The following G3BP2 variants were observed in gnomAD, a reference collection of about 807,000 sequenced individuals.
The protein encoded by G3BP2 is ras GTPase-activating protein-binding protein 2.
In G3BP2, 11 loss-of-function variants were observed where a neutral mutation model predicts 56.7. That is an observed-to-expected ratio of 0.19 (90% CI 0.12 to 0.32). G3BP2 has a LOEUF of 0.32. Ranked by LOEUF, G3BP2 falls within the 10% of genes least tolerant of loss-of-function variation. The pLI is 1.00. For missense variants in G3BP2, 340 were observed against 610.9 expected, an observed-to-expected ratio of 0.56 and a Z score of 4.67; for synonymous variants, 165 against 191.6, an observed-to-expected ratio of 0.86 and a Z score of 1.15.
intron 2 of G3BP2, among the ~76,000 whole-genome samples, chr4:75,660,549 A>G (rs562986245): frequency 1.3e-5 from 2 of 152,312 alleles, no homozygotes; most frequent in South Asian, 4.1e-4. Flanking sequence ...TAAGACTGTC[A>G]TAAGGAATAC....
intron 3 of G3BP2, among the ~76,000 whole-genome samples, chr4:75,701,832 T>G (rs1012849897): frequency 2.6e-5 from 4 of 152,210 alleles, no homozygotes; most frequent in Non-Finnish European, 4.4e-5. Flanking sequence ...CCCACTGGAA[T>G]ACTCTATAGA....
chr4:75,681,032 T>C (rs534874994), intron 3 of G3BP2, among the ~76,000 whole-genome samples: 39 of 148,400 alleles, frequency 2.6e-4, no homozygotes, highest in Non-Finnish European at 5.3e-4. Flanking sequence ...CTCTTAAATA[T>C]AGTCAAATTC....
intron 3 of G3BP2, among the ~76,000 whole-genome samples, chr4:75,688,910 C>T (rs1369338460): frequency 1.3e-5 from 2 of 152,154 alleles, no homozygotes; most frequent in African/African-American, 4.8e-5. Context: ...ATAAATAATT[C>T]AGAAGACATA....
intron 1 of G3BP2, among the ~76,000 whole-genome samples, chr4:75,667,288 TAAA>T (rs33912343): frequency 4.4e-5 from 6 of 137,272 alleles, no homozygotes; most frequent in Non-Finnish European, 6.2e-5. Context: ...AGACACTGTT[TAAA>T]AAAAAAAAAA....
chr4:75,674,714 ATATATTT>A (rs1468475420), upstream of G3BP2, among the ~76,000 whole-genome samples: 3 of 54,806 alleles, frequency 5.5e-5, no homozygotes, highest in Non-Finnish European at 7.3e-5. Context: ...ATATATATAT[ATATATTT>A]TTTTTTTTTT....
chr4:75,679,635 C>T (rs1733999727), intron 3 of G3BP2, among the ~76,000 whole-genome samples: 1 of 152,186 alleles, frequency 6.6e-6, no homozygotes, highest in African/African-American at 2.4e-5. Flanking sequence ...TGAGATTCTA[C>T]ATGCTACCTG....
intron 1 of G3BP2, among the ~76,000 whole-genome samples, chr4:75,664,020 A>C (rs1213297093): frequency 3.3e-5 from 5 of 150,460 alleles, no homozygotes; most frequent in Non-Finnish European, 7.4e-5. Flanking sequence ...AGTAGCTGGG[A>C]CTACAGGCAC....
upstream of G3BP2, among the ~76,000 whole-genome samples, chr4:75,674,720 T>TATATATATATATATATATA (rs33996257): frequency 3.3e-4 from 18 of 54,596 alleles, no homozygotes; most frequent in South Asian, 6.3e-4. Flanking sequence ...ATATATATAT[T>TATATATATATATATATATA]TTTTTTTTTT....
At position 75,655,882 on chromosome 4, in the gene G3BP2, T is replaced by C. The variant is rs543970752; in HGVS notation, c.443-12A>G. On this transcript the variant is annotated splice_polypyrimidine_tract_variant and intron_variant, in intron 5 of 11. Transcript: ENST00000359707. ...TTCATCTTCTGATTCTGAAAATACA[T>C]AATACAGCACATCTTTTTTAAAGAG... is the stretch of plus-strand genomic sequence containing the variant. 1 of 1,240,600 alleles carries C rather than the reference T, an allele frequency of 8.1e-7. No homozygotes were observed. The highest frequency in any genetic ancestry group is 1.2e-6 in the Non-Finnish European group (1 of 839,246). The allele number at this position is 1,240,600 out of a possible 1,614,324, so 76.8% of individuals were successfully genotyped here.
At chr4:75,663,561 T>C (rs924235316) in intron 1 of G3BP2, among the ~76,000 whole-genome samples, 4 of 152,130 alleles carry the variant, frequency 2.6e-5, no homozygotes, top group Non-Finnish European at 1.5e-5. Context: ...TATCATTTAC[T>C]GTAGGAATAT....
intron 1 of G3BP2, among the ~76,000 whole-genome samples, chr4:75,663,790 C>A (rs971420333): frequency 7.1e-5 from 1 of 14,042 alleles, no homozygotes; most frequent in Non-Finnish European, 1.5e-4. Flanking sequence ...ACCCGGGAGG[C>A]GGAGGTTGCA....
At chr4:75,712,452 C>A (rs1335232848) in intron 3 of G3BP2, among the ~76,000 whole-genome samples, 1 of 152,124 alleles carries the variant, frequency 6.6e-6, no homozygotes, top group Non-Finnish European at 1.5e-5. Context: ...ATTAAATTTT[C>A]ATGTTTTTCA....
intron 3 of G3BP2, among the ~76,000 whole-genome samples, chr4:75,702,644 A>G (rs4859547): frequency 0.88 from 133,363 of 152,276 alleles, 58,422 homozygotes; most frequent in East Asian, 0.91. Context: ...AGCATTATGC[A>G]TGGTTACATT....
At chr4:75,685,959 GAAGA>G (rs1050691981) in intron 3 of G3BP2, among the ~76,000 whole-genome samples, 2 of 152,156 alleles carry the variant, frequency 1.3e-5, no homozygotes, top group African/African-American at 2.4e-5. Context: ...AGGAGAGAAG[GAAGA>G]AAGGAAGGGA....
upstream of G3BP2, among the ~76,000 whole-genome samples, chr4:75,675,723 C>A (rs1158678563): frequency 6.6e-6 from 1 of 152,006 alleles, no homozygotes. Flanking sequence ...ACCTGGGAGG[C>A]GGAGGTTGCG....
chr4:75,659,873 TA>T (rs1560619026), intron 2 of G3BP2, among the ~76,000 whole-genome samples: 2 of 152,216 alleles, frequency 1.3e-5, no homozygotes, highest in African/African-American at 2.4e-5. Context: ...TCTCATGTAC[TA>T]CTGGCAATGT....
intron 1 of G3BP2, among the ~76,000 whole-genome samples, chr4:75,665,756 T>G (rs1287449593): frequency 6.6e-6 from 1 of 151,766 alleles, no homozygotes; most frequent in Non-Finnish European, 1.5e-5. Flanking sequence ...CTGGTAAAAT[T>G]TAACAAGATA....
At chr4:75,691,480 A>G (rs977511552) in intron 3 of G3BP2, among the ~76,000 whole-genome samples, 1 of 152,214 alleles carries the variant, frequency 6.6e-6, no homozygotes, top group Non-Finnish European at 1.5e-5. Context: ...AAGTACTGGG[A>G]TTACAGGCGT....
chr4:75,701,649 A>T (rs2149095861), intron 3 of G3BP2, among the ~76,000 whole-genome samples: 1 of 152,214 alleles, frequency 6.6e-6, no homozygotes, highest in East Asian at 1.9e-4. Flanking sequence ...GCTGGTTTCA[A>T]ACTCCTGACC....
Sources: gnomAD v4.1 joint callset for allele counts (sites outside exome capture counted in the v4.1 genomes callset) on GRCh38, gnomAD v4.1.1 for gene constraint, MANE v1.5 for transcripts, NCBI Gene and HGNC (gene_info 2026-07-23, HGNC 2026-07-21) for gene names.